GRAP2: variants seen among roughly 807,000 people sequenced by gnomAD.
The protein encoded by GRAP2 is GRB2-related adapter protein 2.
In GRAP2, 31 loss-of-function variants were observed where a neutral mutation model predicts 43.5. The observed-to-expected ratio is 0.71, with a 90% CI of 0.54 to 0.96. GRAP2 has a LOEUF of 0.96. Among genes scored for constraint, GRAP2 ranks in the 40% least tolerant of loss-of-function variants. GRAP2 has a pLI of 0.00. For missense variants in GRAP2, 371 were observed against 424.4 expected (o/e 0.87, Z 1.11); for synonymous variants, 156 against 164.8 (o/e 0.95, Z 0.41).
chr22:39,964,079 A>C (rs1399045637), intron 4 of GRAP2: 3 of 312,380 alleles, frequency 9.6e-6, no homozygotes, highest in Non-Finnish European at 1.8e-5. Context: ...AAAATTCTTG[A>C]CCTTTCTTTT....
At chr22:39,915,302 G>A (rs1037980979) in intron 1 of GRAP2, among the ~76,000 whole-genome samples, 2 of 151,980 alleles carry the variant, frequency 1.3e-5, no homozygotes. Flanking sequence ...GTTTCACGGG[G>A]CACTGCTCAA....
At chr22:39,970,617 C>G (rs770346579) in intron 7 of GRAP2, among the ~76,000 whole-genome samples, 2 of 152,104 alleles carry the variant, frequency 1.3e-5, no homozygotes, top group African/African-American at 4.8e-5. Context: ...GCATAGGTAT[C>G]TGATTTAAAT....
At chr22:39,906,185 G>A (rs984356931) in intron 1 of GRAP2, among the ~76,000 whole-genome samples, 1 of 152,120 alleles carries the variant, frequency 6.6e-6, no homozygotes, top group South Asian at 2.1e-4. Context: ...AATCAGGAGG[G>A]AGAAATTTCC....
intron 7 of GRAP2, 127 bp from the exon 8 acceptor site, chr22:39,970,778 G>T: frequency 1.2e-6 from 1 of 860,924 alleles, no homozygotes; most frequent in Non-Finnish European, 1.7e-6. Flanking sequence ...TTTTTAAGCT[G>T]CAGAGGGGTC....
At chr22:39,956,569 T>G (rs1040290558) in intron 3 of GRAP2, among the ~76,000 whole-genome samples, 5 of 150,064 alleles carry the variant, frequency 3.3e-5, no homozygotes, top group Non-Finnish European at 7.4e-5. Flanking sequence ...CTCGGCTCAT[T>G]GCAATTCTCC....
chr22:39,945,172 A>C (rs2066909512), intron 1 of GRAP2, among the ~76,000 whole-genome samples: 1 of 152,274 alleles, frequency 6.6e-6, no homozygotes, highest in African/African-American at 2.4e-5. Context: ...TGCCTTCGAT[A>C]GATGGATCTT....
chr22:39,946,650 G>A (rs898884235), intron 1 of GRAP2, among the ~76,000 whole-genome samples: 2 of 152,180 alleles, frequency 1.3e-5, no homozygotes, highest in South Asian at 2.1e-4. Flanking sequence ...AATGGCATCC[G>A]TCTAATTAAC....
chr22:39,939,561 C>CAAAAA (rs386395434), intron 1 of GRAP2, among the ~76,000 whole-genome samples: 13 of 64,100 alleles, frequency 2.0e-4, no homozygotes, highest in South Asian at 6.6e-4. Context: ...GACTCCGTCT[C>CAAAAA]AAAAAAAAAA....
chr22:39,911,344 T>A (rs2066563455), intron 1 of GRAP2, among the ~76,000 whole-genome samples: 2 of 152,050 alleles, frequency 1.3e-5, no homozygotes, highest in Admixed American at 6.6e-5. Context: ...ATAAAGCATA[T>A]CTGCAAGACT....
At chr22:39,946,380 C>T (rs1031004277) in intron 1 of GRAP2, among the ~76,000 whole-genome samples, 1 of 152,030 alleles carries the variant, frequency 6.6e-6, no homozygotes, top group African/African-American at 2.4e-5. Context: ...TTACATAGGC[C>T]GACTCATTTA....
chr22:39,897,918 C>G (rs980767308), upstream of GRAP2, among the ~76,000 whole-genome samples: 9 of 152,098 alleles, frequency 5.9e-5, 1 homozygote, highest in Admixed American at 5.9e-4. Flanking sequence ...AACTTAAAAC[C>G]CAAGTCAGAT....
intron 1 of GRAP2, among the ~76,000 whole-genome samples, chr22:39,913,733 C>G (rs747149544): frequency 6.6e-6 from 1 of 152,174 alleles, no homozygotes; most frequent in Non-Finnish European, 1.5e-5. Flanking sequence ...CTGGGTCATT[C>G]CCCTACTGCA....
At chr22:39,940,885 G>A (rs570801231) in intron 1 of GRAP2, among the ~76,000 whole-genome samples, 33 of 152,252 alleles carry the variant, frequency 2.2e-4, no homozygotes, top group African/African-American at 7.0e-4. Flanking sequence ...GACAATCACC[G>A]AACCTGTCTA....
chr22:39,932,272 T>G (rs1210366232), intron 1 of GRAP2, among the ~76,000 whole-genome samples: 2 of 152,210 alleles, frequency 1.3e-5, no homozygotes, highest in African/African-American at 2.4e-5. Flanking sequence ...AACTATTGGT[T>G]GCTTATCTGA....
intron 2 of GRAP2, among the ~76,000 whole-genome samples, chr22:39,952,013 T>C (rs2066988126): frequency 6.7e-6 from 1 of 149,832 alleles, no homozygotes; most frequent in African/African-American, 2.5e-5. Context: ...AAGTACAAAG[T>C]GTGTGGTTTT....
At chr22:39,929,219 A>G (rs1234125515) in intron 1 of GRAP2, among the ~76,000 whole-genome samples, 6 of 152,196 alleles carry the variant, frequency 3.9e-5, no homozygotes, top group Admixed American at 1.3e-4. Context: ...TGGGGTGAAG[A>G]GTACAGGGGA....
intron 1 of GRAP2, among the ~76,000 whole-genome samples, chr22:39,919,246 T>C (rs936686565): frequency 1.3e-5 from 2 of 152,214 alleles, no homozygotes; most frequent in African/African-American, 2.4e-5. Flanking sequence ...GGTATTCTTG[T>C]CATACTGTAC....
chr22:39,968,251 G>A lies in GRAP2; in HGVS notation c.669G>A (p.Leu223=). The part of the protein sequence containing the change: ...QLQQPPQQRY[L]QHHHFHQERR... The stretch of plus-strand genomic sequence containing the variant: ...AGCAGCCCCCACAGCAGCGATATCT[G>A]CAGCACCACCATTTCCACCAGGTAT... The change falls in exon 6 of 8, where the codon CTG becomes CTA. Residue 223 remains leucine (L), a synonymous_variant. Coordinates refer to ENST00000344138, the MANE Select transcript of GRAP2 (RefSeq NM_004810.4). 6.2e-7 allele frequency: 1 copy of A among 1,612,858 alleles called. No individual in the cohort carries two copies.
At chr22:39,936,205 C>G (rs2066804897) in intron 1 of GRAP2, among the ~76,000 whole-genome samples, 1 of 152,172 alleles carries the variant, frequency 6.6e-6, no homozygotes, top group Non-Finnish European at 1.5e-5. Context: ...CCACCCCCAC[C>G]CCGCCCTCCA....
Sources: gnomAD v4.1 joint callset for allele counts (sites outside exome capture counted in the v4.1 genomes callset) on GRCh38, gnomAD v4.1.1 for gene constraint, MANE v1.5 for transcripts, NCBI Gene and HGNC (gene_info 2026-07-23, HGNC 2026-07-21) for gene names.